Variants in MSR1 observed in about 807,000 individuals in gnomAD.
MSR1 encodes the protein macrophage scavenger receptor 1.
A neutral mutation model predicts 47.2 loss-of-function variants in MSR1; 53 were observed. That is an observed-to-expected ratio of 1.12 (90% confidence interval 0.90 to 1.41). The LOEUF (loss-of-function observed/expected upper bound fraction) is 1.41, where lower values mean the gene tolerates loss of function less well. Among genes scored for constraint, MSR1 ranks in the 40% most tolerant of loss-of-function variants. The pLI is 0.00. For synonymous variants in MSR1, 239 were observed against 185.6 expected, an observed-to-expected ratio of 1.29 and a Z score of -2.34; for missense variants, 786 against 546.9, an observed-to-expected ratio of 1.44 and a Z score of -4.36.
At chr8:16,191,360 A>C (rs1044899147) in intron 1 of MSR1, among the ~76,000 whole-genome samples, 5 of 152,300 alleles carry the variant, frequency 3.3e-5, no homozygotes, top group African/African-American at 1.2e-4. Context: ...GATCTTAGGC[A>C]AATATTTTAA....
intron 1 of MSR1, among the ~76,000 whole-genome samples, chr8:16,188,715 C>G (rs1328833827): frequency 6.6e-6 from 1 of 151,826 alleles, no homozygotes; most frequent in Admixed American, 6.6e-5. Flanking sequence ...CCTGTGTCCA[C>G]GTGCTCTCAC....
In MSR1 at chr8:16,174,444, T is replaced by C. The variant is rs182222131; in HGVS notation, c.217+743A>G. ...AAAATGCTACGCGGGGAATAATATT[T>C]ACATAAGTGCTTACGGTGTATACAA... is the stretch of plus-strand genomic sequence containing the variant. On this transcript the variant is annotated intron_variant, in intron 3 of 9. Coordinates refer to ENST00000262101, the MANE Select transcript of MSR1 (RefSeq NM_138715.3). 4.8e-4 allele frequency among the ~76,000 whole-genome samples: 73 copies of C among 152,296 alleles called. No individual in the cohort carries two copies. In the East Asian group the frequency reaches 8.7e-3, roughly 18 times the overall value.
chr8:16,188,373 G>A (rs1405769279), intron 1 of MSR1, among the ~76,000 whole-genome samples: 4 of 151,934 alleles, frequency 2.6e-5, no homozygotes, highest in Non-Finnish European at 5.9e-5. Flanking sequence ...TGAAACTCGA[G>A]TCTTTGGATG....
At chr8:16,168,424 C>T (rs140330735) in intron 4 of MSR1, 34 bp downstream of exon 4, 86 of 1,611,344 alleles carry the variant, frequency 5.3e-5, no homozygotes, top group Admixed American at 4.7e-4. Context: ...GGATTCAGTT[C>T]CAGCAAGTGA....
intron 8 of MSR1, 51 bp downstream of exon 8, chr8:16,143,507 G>A: frequency 3.3e-6 from 5 of 1,519,506 alleles, no homozygotes; most frequent in Non-Finnish European, 4.6e-6. Context: ...TAGTATCACA[G>A]ACTTACTTAT....
intron 1 of MSR1, among the ~76,000 whole-genome samples, chr8:16,189,433 T>G (rs1445546790): frequency 3.1e-5 from 3 of 97,012 alleles, no homozygotes; most frequent in Non-Finnish European, 5.2e-5. Context: ...TATAAAATCA[T>G]ATTTTATATA....
At chr8:16,181,304 C>T (rs1042950094) in intron 1 of MSR1, among the ~76,000 whole-genome samples, 6 of 152,058 alleles carry the variant, frequency 3.9e-5, no homozygotes, top group African/African-American at 1.4e-4. Context: ...TAATTTACAC[C>T]CCACCAACAG....
intron 1 of MSR1, among the ~76,000 whole-genome samples, chr8:16,179,403 T>C (rs984672384): frequency 6.6e-6 from 1 of 152,174 alleles, no homozygotes. Context: ...CATATCAACA[T>C]AGGATTCAGA....
intron 8 of MSR1, among the ~76,000 whole-genome samples, chr8:16,129,970 T>C (rs1472119105): frequency 2.0e-5 from 3 of 152,154 alleles, no homozygotes; most frequent in African/African-American, 7.2e-5. Flanking sequence ...ACTCAGGCTA[T>C]GGAGGAAAGG....
chr8:16,176,978 T>C (rs1801668053), intron 2 of MSR1, among the ~76,000 whole-genome samples: 1 of 152,314 alleles, frequency 6.6e-6, no homozygotes, highest in African/African-American at 2.4e-5. Context: ...CTCTTTCTTT[T>C]CTGCCTCCAC....
chr8:16,175,138 A>C (rs1190674340), intron 3 of MSR1, 49 bp downstream of exon 3: 1 of 1,480,912 alleles, frequency 6.8e-7, no homozygotes, highest in Non-Finnish European at 9.4e-7. Context: ...TTGGCAATGA[A>C]TAATTCACGG....
At chr8:16,168,412 A>G (rs779129563) in intron 4 of MSR1, 46 bp downstream of exon 4, 1 of 1,605,628 alleles carries the variant, frequency 6.2e-7, no homozygotes, top group Admixed American at 1.7e-5. Flanking sequence ...CGAGACTTGG[A>G]TGGATTCAGT....
In MSR1 at chr8:16,109,660, C is replaced by T. The variant is rs917; in HGVS notation, c.*425G>A. ...TTTGCAATCTAGGCACAAAAGATAT[C>T]TTCTGATCCCTTCCGTTATTCAGAA... On this transcript the variant is annotated 3_prime_UTR_variant, in exon 10 of 10. Transcript: ENST00000262101. The T allele has an allele frequency of 0.053, 10,131 of 191,378 alleles. 389 individuals carry two copies. The highest frequency in any genetic ancestry group is 0.11 in the African/African-American group (4,814 of 41,944). 11.9% of individuals were successfully genotyped at this position (191,378 alleles called of 1,614,324 possible).
chr8:16,120,616 T>TAACAAAAAAA lies in MSR1; in HGVS notation c.1034-11_1034-10insTTTTTTTGTT. 8.4e-7 allele frequency: 1 copy of TAACAAAAAAA among 1,195,930 alleles called. No individual in the cohort carries two copies. The highest frequency in any genetic ancestry group is 1.1e-6 in the Non-Finnish European group (1 of 940,724). 74.1% of individuals were successfully genotyped at this position (1,195,930 alleles called of 1,614,324 possible). A position where few individuals can be genotyped will look rare whatever the true frequency, so the allele number is the denominator to read the frequency against. ...ACTTTCGTAAATGGAGCTGTAAAGT[T>TAACAAAAAAA]AAAAAAAAAAAAAAAAAAAAAAAAA... On this transcript the variant is annotated splice_polypyrimidine_tract_variant and intron_variant, in intron 8 of 9. Coordinates refer to ENST00000262101, the MANE Select transcript of MSR1 (RefSeq NM_138715.3).
chr8:16,110,575 T>A (rs1004625734), intron 9 of MSR1, among the ~76,000 whole-genome samples: 1 of 152,140 alleles, frequency 6.6e-6, no homozygotes, highest in Admixed American at 6.5e-5. Context: ...TGGGTACATG[T>A]AATAACCTGA....
At chr8:16,169,435 G>A (rs1563163723) in intron 3 of MSR1, among the ~76,000 whole-genome samples, 2 of 152,264 alleles carry the variant, frequency 1.3e-5, no homozygotes, top group East Asian at 3.9e-4. Flanking sequence ...CTAATTCACA[G>A]TTGGTGGAGC....
Position 16,108,399 on chromosome 8 carries a change from C to T in MSR1, c.*1686G>A, listed in dbSNP as rs1243342875. The T allele has an allele frequency of 1.3e-5, 2 of 151,744 alleles. No individual in the cohort carries two copies. Among genetic ancestry groups the T allele is most frequent in the African/African-American group, 4.8e-5 (2 of 41,324 alleles). The allele number at this position is 151,744 out of a possible 1,614,324, so 9.4% of individuals were successfully genotyped here. On this transcript the variant is annotated 3_prime_UTR_variant, in exon 10 of 10. Coordinates refer to ENST00000262101, the MANE Select transcript of MSR1 (RefSeq NM_138715.3). ...AGACATCCCATGCATACCACTTACG[C>T]ATAAGTAGTAAATCAGCATACATAT... is the stretch of plus-strand genomic sequence containing the variant.
rs545900102 is a variant in MSR1, at chr8:16,134,325, T to G, written c.1033+9233A>C. Among the ~76,000 whole-genome samples the G allele has an allele frequency of 7.4e-4, 113 of 152,236 alleles. 1 individual carries two copies. Among genetic ancestry groups the G allele is most frequent in the Non-Finnish European group, 1.4e-3 (97 of 68,004 alleles). ...TAAGCTAGCTTGTTTTAGTGCAGAA[T>G]TTTTGAAATCCATGTATAGTGTTTT... On this transcript the variant is annotated intron_variant, in intron 8 of 9. Coordinates refer to ENST00000262101, the MANE Select transcript of MSR1 (RefSeq NM_138715.3).
chr8:16,186,095 G>A (rs1234654675), intron 1 of MSR1: 3 of 1,305,192 alleles, frequency 2.3e-6, no homozygotes, highest in African/African-American at 3.0e-5. Flanking sequence ...TTGCAAGATT[G>A]GCAGTAATAA....
Sources: allele counts gnomAD v4.1 joint callset (sites outside exome capture counted in the v4.1 genomes callset), GRCh38; gene constraint gnomAD v4.1.1; transcripts MANE v1.5; gene names NCBI Gene and HGNC (gene_info 2026-07-23, HGNC 2026-07-21).